The following LINC00632 variants were observed in gnomAD, a reference collection of about 807,000 sequenced individuals.
LINC00632 encodes the protein long independently transcribed non-coding RNA 632.
At chrX:140,791,268 T>C (rs1333783928) in exon 5 of LINC00632, among the ~76,000 whole-genome samples, 1 of 112,342 alleles carries the variant, frequency 8.9e-6, no homozygotes, top group Non-Finnish European at 1.9e-5. Context: ...GGTGATGATA[T>C]GGTTATTCTC....
At chrX:140,736,562 G>A (rs1007386631) in intron 3 of LINC00632, among the ~76,000 whole-genome samples, 17 of 104,580 alleles carry the variant, frequency 1.6e-4, no homozygotes, top group African/African-American at 4.6e-4. Flanking sequence ...TCAGCCTCCC[G>A]AGTAGCTGGG....
chrX:140,783,825 G>T, exon 5 of LINC00632: 1 of 1,210,354 alleles, frequency 8.3e-7, no homozygotes, highest in East Asian at 3.0e-5. Flanking sequence ...GAAAATCCAT[G>T]TCTTCCAGTA....
chrX:140,745,682 C>A (rs1931316280), intron 3 of LINC00632, among the ~76,000 whole-genome samples: 1 of 111,998 alleles, frequency 8.9e-6, no homozygotes, highest in African/African-American at 3.2e-5. Context: ...AAAAGTATTT[C>A]ACTACTGAAT....
At chrX:140,719,856 G>A (rs1479808179) in intron 2 of LINC00632, among the ~76,000 whole-genome samples, 1 of 108,821 alleles carries the variant, frequency 9.2e-6, no homozygotes, top group African/African-American at 3.3e-5. Flanking sequence ...TTGGGAGGCC[G>A]AGGTAGGCGG....
chrX:140,748,074 C>T (rs1342224062), intron 3 of LINC00632, among the ~76,000 whole-genome samples: 1 of 111,625 alleles, frequency 9.0e-6, no homozygotes, highest in Non-Finnish European at 1.9e-5. Context: ...GTGATCTGCC[C>T]GCCTCAGCCT....
exon 5 of LINC00632, chrX:140,784,277 G>A (rs1238661448): frequency 6.6e-6 from 8 of 1,206,191 alleles, no homozygotes; most frequent in East Asian, 3.0e-5. Flanking sequence ...ACAAAGGTAC[G>A]TCTTCCAACA....
intron 3 of LINC00632, among the ~76,000 whole-genome samples, chrX:140,758,605 T>C (rs990769380): frequency 5.4e-5 from 6 of 111,832 alleles, no homozygotes; most frequent in Non-Finnish European, 1.1e-4. Context: ...CTCGAACTCC[T>C]GACCTCAGGT....
chrX:140,759,089 C>T lies in LINC00632; in HGVS notation n.192-12989C>T, dbSNP rs778137327. ...AAGCGATTCTCCTGCCTCAGCCTCC[C>T]GAATAGCTGGGATTACGGGCATGTG... On this transcript the variant is annotated intron_variant and non_coding_transcript_variant, in intron 3 of 4. Coordinates refer to ENST00000648200, the Ensembl canonical transcript of LINC00632. Among the ~76,000 whole-genome samples, 3 of 105,825 alleles carry T rather than the reference C, an allele frequency of 2.8e-5. No homozygotes were observed. In the East Asian group the frequency reaches 9.0e-4, roughly 32 times the overall value. 91.9% of individuals were successfully genotyped at this position (105,825 alleles called of 115,157 possible). A position where few individuals can be genotyped will look rare whatever the true frequency, so the allele number is the denominator to read the frequency against.
exon 5 of LINC00632, among the ~76,000 whole-genome samples, chrX:140,791,108 T>TAAC (rs1213651505): frequency 1.8e-5 from 2 of 110,156 alleles, no homozygotes; most frequent in South Asian, 3.9e-4. Context: ...CCTCATTGTT[T>TAAC]AACTATTATA....
intron 3 of LINC00632, among the ~76,000 whole-genome samples, chrX:140,745,967 C>A (rs1303271001): frequency 8.9e-6 from 1 of 111,783 alleles, no homozygotes; most frequent in Non-Finnish European, 1.9e-5. Flanking sequence ...CCCTCCCCAG[C>A]CACAGTGTTA....
chrX:140,762,242 A>AGAGAGAGAGAGAAAGAGAGAGAGAGC (rs1286418753), intron 3 of LINC00632, among the ~76,000 whole-genome samples: 1 of 99,793 alleles, frequency 1.0e-5, no homozygotes, highest in African/African-American at 3.8e-5. Flanking sequence ...AGAGAGAGAG[A>AGAGAGAGAGAGAAAGAGAGAGAGAGC]GCACTCTTAT....
exon 5 of LINC00632, among the ~76,000 whole-genome samples, chrX:140,791,205 G>C (rs1031123781): frequency 9.0e-6 from 1 of 111,487 alleles, no homozygotes; most frequent in Non-Finnish European, 1.9e-5. Flanking sequence ...ATCAGGGATG[G>C]ATAAAGAATG....
intron 3 of LINC00632, among the ~76,000 whole-genome samples, chrX:140,751,687 A>G (rs1931413510): frequency 8.9e-6 from 1 of 111,814 alleles, no homozygotes; most frequent in Non-Finnish European, 1.9e-5. Context: ...CTACTACTTT[A>G]TTAATGTGGC....
At chrX:140,779,592 G>A (rs1366236072) in exon 5 of LINC00632, among the ~76,000 whole-genome samples, 1 of 111,246 alleles carries the variant, frequency 9.0e-6, no homozygotes, top group African/African-American at 3.3e-5. Context: ...GAAATATGAT[G>A]TACTATGAAC....
intron 3 of LINC00632, among the ~76,000 whole-genome samples, chrX:140,759,425 T>C (rs1247363952): frequency 9.2e-6 from 1 of 108,541 alleles, no homozygotes; most frequent in African/African-American, 3.4e-5. Context: ...GGCTCAATCA[T>C]AGCTCACTGC....
intron 3 of LINC00632, among the ~76,000 whole-genome samples, chrX:140,759,805 CAT>C (rs1288029770): frequency 1.8e-5 from 2 of 111,703 alleles, no homozygotes; most frequent in African/African-American, 6.5e-5. Context: ...ACCCCTAAGA[CAT>C]AGCTCCAACC....
chrX:140,724,602 TACAC>T (rs377464463), intron 2 of LINC00632, among the ~76,000 whole-genome samples: 2 of 12,507 alleles, frequency 1.6e-4, no homozygotes, highest in Non-Finnish European at 2.0e-4. Context: ...ACACATTCTG[TACAC>T]ACACACACAA....
At chrX:140,714,635 C>T (rs1350081813) in intron 2 of LINC00632, 1 of 110,485 alleles carries the variant, frequency 9.1e-6, no homozygotes, top group East Asian at 2.9e-4. Context: ...CCAGTCTCAC[C>T]AACATGGAGA....
rs1453930125 is a variant in LINC00632 at position 140,783,508 on chromosome X, G to A, written n.11527G>A. 6.7e-6 allele frequency: 7 copies of A among 1,044,694 alleles called. No homozygotes were observed. In the East Asian group the frequency reaches 2.1e-4, roughly 32 times the overall value. 86.1% of individuals were successfully genotyped at this position (1,044,694 alleles called of 1,213,427 possible). A position where few individuals can be genotyped will look rare whatever the true frequency, so the allele number is the denominator to read the frequency against. Reference sequence around the variant, plus strand: ...AATACAGATCTTCCAGCTAATCCATGTCTTCCAGAAAAATCTGTGTCTTCC... The same window carrying A: ...AATACAGATCTTCCAGCTAATCCATATCTTCCAGAAAAATCTGTGTCTTCC... On this transcript the variant is annotated non_coding_transcript_exon_variant, in exon 5 of 5. Transcript: ENST00000648200.
Sources: allele counts gnomAD v4.1 joint callset (sites outside exome capture counted in the v4.1 genomes callset), GRCh38; gene constraint gnomAD v4.1.1; transcripts MANE v1.5; gene names NCBI Gene and HGNC (gene_info 2026-07-23, HGNC 2026-07-21).